SMC5: variants seen among roughly 807,000 people sequenced by gnomAD.
The protein encoded by SMC5 is structural maintenance of chromosomes 5.
Under a neutral mutation model 148.3 loss-of-function variants are expected in SMC5, and 88 were observed. The ratio of observed to expected loss-of-function variants is 0.59; its 90% CI spans 0.50 to 0.71. SMC5 has a LOEUF of 0.71. SMC5 is among the 30% of genes least tolerant of loss of function. The probability of loss-of-function intolerance (pLI) is 0.00; values close to 1 mark genes in which losing one functional copy is unlikely to be tolerated. For missense variants in SMC5, 1,142 were observed against 1,298.9 expected (o/e 0.88, Z 1.86); for synonymous variants, 421 against 432.8 (o/e 0.97, Z 0.34).
At position 70,318,938 on chromosome 9, in the gene SMC5, C is replaced by A; in HGVS notation, c.2125C>A (p.Gln709Lys). The A allele has an allele frequency of 1.9e-6, 3 of 1,607,306 alleles. No individual in the cohort carries two copies. Among genetic ancestry groups the A allele is most frequent in the South Asian group, 1.1e-5 (1 of 89,620 alleles). Residue 709 changes from glutamine (Q) to lysine (K), a missense_variant, in exon 15 of 25, where the codon CAA (glutamine) becomes AAA (lysine). Around this residue, in one of 5 missense-constraint regions of SMC5, gnomAD observed 743 missense variants for 835.7 expected, o/e 0.89. Transcript: ENST00000361138. Reference sequence around the variant, plus strand: ...AAAAACCAAGAAAAGACAACTGGAACAAAAAATCAGTTCCAAACTAGGAAG... The same window carrying A: ...AAAAACCAAGAAAAGACAACTGGAAAAAAAAATCAGTTCCAAACTAGGAAG... The part of the protein sequence containing the change: ...ERKTKKRQLE[Q>K]KISSKLGSLK...
At chr9:70,300,469 G>A (rs979713782) in intron 10 of SMC5, among the ~76,000 whole-genome samples, 9 of 151,986 alleles carry the variant, frequency 5.9e-5, no homozygotes, top group African/African-American at 2.4e-5. Context: ...AGTTTGGTTA[G>A]CTGGTTCCTT....
At chr9:70,339,684 G>A (rs2036466006) in intron 17 of SMC5, among the ~76,000 whole-genome samples, 1 of 151,968 alleles carries the variant, frequency 6.6e-6, no homozygotes, top group African/African-American at 2.4e-5. Context: ...ACTTGGTTTT[G>A]TCCTTTTTTC....
intron 2 of SMC5, among the ~76,000 whole-genome samples, chr9:70,266,424 G>T (rs949385541): frequency 2.6e-5 from 4 of 152,152 alleles, no homozygotes; most frequent in African/African-American, 7.2e-5. Flanking sequence ...AGATTTTTAT[G>T]AATATTGATA....
intron 16 of SMC5, among the ~76,000 whole-genome samples, 174 bp from the exon 17 acceptor site, chr9:70,323,847 A>T (rs986345694): frequency 8.5e-5 from 13 of 152,206 alleles, no homozygotes. Context: ...TCTCTTAAAA[A>T]CAAAGGAAAA....
At chr9:70,282,784 A>G (rs1306820207) in intron 7 of SMC5, among the ~76,000 whole-genome samples, 1 of 152,172 alleles carries the variant, frequency 6.6e-6, no homozygotes, top group African/African-American at 2.4e-5. Context: ...TAGGACTTCC[A>G]AGATATAAAG....
chr9:70,315,452 C>A lies in SMC5; in HGVS notation c.1680C>A (p.Tyr560Ter). 6.4e-7 allele frequency: 1 copy of A among 1,572,246 alleles called. No individual in the cohort carries two copies. The highest frequency in any genetic ancestry group is 8.6e-7 in the Non-Finnish European group (1 of 1,157,642). ...TCAATACTTTTCCTTTCAGACAATACGGATTTTTCTCTTATTTGAGAGAAT... is the reference window on the plus strand; with the variant it reads ...TCAATACTTTTCCTTTCAGACAATAAGGATTTTTCTCTTATTTGAGAGAAT... ...PSRSLNELKQYGFFSYLRELF... is the reference protein window; with the variant it reads ...PSRSLNELKQ The change falls in exon 13 of 25, where the codon TAC becomes TAA. Residue 560 changes from tyrosine (Y) to a stop codon, truncating the protein, a stop_gained. Transcript: ENST00000361138. LOFTEE classifies it high-confidence loss of function.
chr9:70,352,148 C>T (rs188364439), intron 24 of SMC5, 43 bp from the exon 25 acceptor site: 1 of 1,495,624 alleles, frequency 6.7e-7, no homozygotes, highest in Non-Finnish European at 9.1e-7. Context: ...AACTATACTT[C>T]TCAGTATATA....
Position 70,346,429 on chromosome 9 carries a change from G to A in SMC5, c.2524-176G>A, listed in dbSNP as rs59490364. The A allele has an allele frequency of 9.4e-4, 627 of 663,916 alleles. 3 individuals carry two copies. The African/African-American group carries it at 0.01, about 11-fold the overall frequency. 41.1% of individuals were successfully genotyped at this position (663,916 alleles called of 1,614,324 possible). The stretch of plus-strand genomic sequence containing the variant: ...CCTCCCCTCAAAAAAAAAAGTATAT[G>A]TTCTAATTTGTCCCCATGGCATGGA... On this transcript the variant is annotated intron_variant, in intron 18 of 24. Transcript: ENST00000361138.
At chr9:70,343,429 C>CT (rs1185773243) in intron 17 of SMC5, among the ~76,000 whole-genome samples, 1 of 152,120 alleles carries the variant, frequency 6.6e-6, no homozygotes, top group African/African-American at 2.4e-5. Flanking sequence ...ACTTGGAAAA[C>CT]TATCAAGCAT....
intron 5 of SMC5, among the ~76,000 whole-genome samples, chr9:70,279,228 C>G (rs925479091): frequency 6.6e-6 from 1 of 152,086 alleles, no homozygotes; most frequent in African/African-American, 2.4e-5. Context: ...AATAAGAAAT[C>G]TTTTAGTCTG....
chr9:70,318,342 C>T (rs976585612), intron 13 of SMC5, among the ~76,000 whole-genome samples, 172 bp from the exon 14 acceptor site: 22 of 151,290 alleles, frequency 1.5e-4, no homozygotes, highest in Non-Finnish European at 2.8e-4. Flanking sequence ...AAGCTGAGTT[C>T]GTGCCACTGC....
intron 11 of SMC5, among the ~76,000 whole-genome samples, chr9:70,309,433 C>G (rs898780345): frequency 6.7e-6 from 1 of 149,744 alleles, no homozygotes; most frequent in Non-Finnish European, 1.5e-5. Context: ...AGCCACCGCG[C>G]CCAGCCTAGA....
intron 15 of SMC5, among the ~76,000 whole-genome samples, chr9:70,320,898 T>C (rs1199719221): frequency 6.6e-6 from 1 of 152,178 alleles, no homozygotes; most frequent in East Asian, 1.9e-4. Context: ...GGTGCACTAG[T>C]TTTGGTACAC....
At chr9:70,290,549 G>A (rs1033446801) in intron 8 of SMC5, among the ~76,000 whole-genome samples, 3 of 152,086 alleles carry the variant, frequency 2.0e-5, no homozygotes, top group African/African-American at 7.2e-5. Context: ...ATACATTTAT[G>A]TTATATTTTA....
chr9:70,352,409 G>T lies in SMC5; in HGVS notation c.*78G>T. On this transcript the variant is annotated 3_prime_UTR_variant, in exon 25 of 25. Coordinates refer to ENST00000361138, the MANE Select transcript of SMC5 (RefSeq NM_015110.4). Reference sequence around the variant, plus strand: ...AGTATGGCTCAACTGAATAAAAGGAGATTCACTAAAACGAAAAGCAGTTAT... The same window carrying T: ...AGTATGGCTCAACTGAATAAAAGGATATTCACTAAAACGAAAAGCAGTTAT... The T allele has an allele frequency of 7.3e-7, 1 of 1,377,532 alleles. No homozygotes were observed. Among genetic ancestry groups the T allele is most frequent in the Non-Finnish European group, 9.8e-7 (1 of 1,024,544 alleles). 85.3% of individuals were successfully genotyped at this position (1,377,532 alleles called of 1,614,324 possible).
Position 70,306,061 on chromosome 9 carries a change from C to T in SMC5, c.1578+701C>T, listed in dbSNP as rs554179061. Among the ~76,000 whole-genome samples, 12 of 152,162 alleles carry T rather than the reference C, an allele frequency of 7.9e-5. No individual in the cohort carries two copies. The South Asian group carries it at 2.1e-3, about 26-fold the overall frequency. On this transcript the variant is annotated intron_variant, in intron 11 of 24. Coordinates refer to ENST00000361138, the MANE Select transcript of SMC5 (RefSeq NM_015110.4). Reference sequence around the variant, plus strand: ...GCAGTACTTATTAACTCATCATTATCGTAATACATTGTTATATAACCTACA... The same window carrying T: ...GCAGTACTTATTAACTCATCATTATTGTAATACATTGTTATATAACCTACA...
chr9:70,275,891 T>C (rs1292519355), intron 3 of SMC5, among the ~76,000 whole-genome samples: 11 of 152,216 alleles, frequency 7.2e-5, no homozygotes, highest in Admixed American at 6.5e-4. Flanking sequence ...GAATTCTTAT[T>C]AGACATATTA....
chr9:70,265,608 CTT>C (rs2034269471), intron 2 of SMC5, among the ~76,000 whole-genome samples: 1 of 152,018 alleles, frequency 6.6e-6, no homozygotes, highest in African/African-American at 2.4e-5. Flanking sequence ...GTTTAGTTCT[CTT>C]TTGTTTTTAA....
chr9:70,263,035 C>G (rs2034181175), intron 1 of SMC5, among the ~76,000 whole-genome samples: 1 of 151,928 alleles, frequency 6.6e-6, no homozygotes. Context: ...TTTTATAGGC[C>G]AGAAATTCTC....
Sources: allele counts gnomAD v4.1 joint callset (sites outside exome capture counted in the v4.1 genomes callset), GRCh38; gene constraint gnomAD v4.1.1; regional missense constraint gnomAD v4.1.1; transcripts MANE v1.5; gene names NCBI Gene and HGNC (gene_info 2026-07-23, HGNC 2026-07-21).